Variants in KIF21B observed in about 807,000 individuals in gnomAD.
The protein encoded by KIF21B is kinesin-like protein KIF21B.
In KIF21B, 85 loss-of-function variants were observed where a neutral mutation model predicts 192.9. The ratio of observed to expected loss-of-function variants is 0.44; its 90% CI spans 0.37 to 0.53. The LOEUF (loss-of-function observed/expected upper bound fraction) is 0.53. Among genes scored for constraint, KIF21B ranks in the 20% least tolerant of loss-of-function variants. KIF21B has a pLI of 0.00. For synonymous variants in KIF21B, 832 were observed against 884.6 expected (o/e 0.94, Z 1.05); for missense variants, 1,716 against 2,194.8 (o/e 0.78, Z 4.36).
At chr1:200,993,652 AG>A (rs988474791) in intron 15 of KIF21B, among the ~76,000 whole-genome samples, 1 of 151,624 alleles carries the variant, frequency 6.6e-6, no homozygotes, top group East Asian at 1.9e-4. Context: ...CAGGAGGCTG[AG>A]GTAGGAGGAT....
intron 3 of KIF21B, among the ~76,000 whole-genome samples, chr1:201,007,619 CACAG>C (rs1657974383): frequency 2.0e-5 from 3 of 150,760 alleles, no homozygotes; most frequent in African/African-American, 7.3e-5. Flanking sequence ...GATACACACA[CACAG>C]ACACAGACAG....
intron 31 of KIF21B, 102 bp downstream of exon 31, chr1:200,977,110 G>T: frequency 1.5e-6 from 2 of 1,374,008 alleles, no homozygotes; most frequent in Non-Finnish European, 1.0e-6. Flanking sequence ...TAAAGGTGTT[G>T]CTGAGGTCCT....
At position 200,973,332 on chromosome 1, in the gene KIF21B, T is replaced by G. The variant is rs1655320845; in HGVS notation, c.*189A>C. 3 of 611,414 alleles carry G rather than the reference T, an allele frequency of 4.9e-6. No individual in the cohort carries two copies. Among genetic ancestry groups the G allele is most frequent in the African/African-American group, 1.9e-5 (1 of 51,468 alleles). 37.9% of individuals were successfully genotyped at this position (611,414 alleles called of 1,614,324 possible). A position where few individuals can be genotyped will look rare whatever the true frequency, so the allele number is the denominator to read the frequency against. ...AGCCTCTCTCTCACCCAGAGGCTCC[T>G]GAGAGGCAGGGGAGGGATGAGGGAA... On this transcript the variant is annotated 3_prime_UTR_variant, in exon 35 of 35. Coordinates refer to ENST00000461742, the MANE Select transcript of KIF21B (RefSeq NM_001252102.2).
rs1284276554 is a variant in KIF21B, at chr1:200,970,403, C to T, written c.*3118G>A. 2.0e-5 allele frequency: 3 copies of T among 152,730 alleles called. No individual in the cohort carries two copies. The highest frequency in any genetic ancestry group is 7.2e-5 in the African/African-American group (3 of 41,482). The allele number at this position is 152,730 out of a possible 1,614,324, so 9.5% of individuals were successfully genotyped here. A position where few individuals can be genotyped will look rare whatever the true frequency, so the allele number is the denominator to read the frequency against. ...TCCCAGACCCACCGCTGTCCCTTCC[C>T]AAGGGGCTGAAGGTGGCACTCTGAC... is the stretch of plus-strand genomic sequence containing the variant. On this transcript the variant is annotated 3_prime_UTR_variant, in exon 35 of 35. Transcript: ENST00000461742.
At chr1:201,001,216 C>T (rs907880129) in intron 9 of KIF21B, among the ~76,000 whole-genome samples, 9 of 151,796 alleles carry the variant, frequency 5.9e-5, no homozygotes, top group Non-Finnish European at 1.2e-4. Flanking sequence ...GGGCCTTTTC[C>T]AAAAAGAAAT....
chr1:200,983,525 G>A (rs1446943617), intron 27 of KIF21B, among the ~76,000 whole-genome samples: 1 of 152,158 alleles, frequency 6.6e-6, no homozygotes, highest in Non-Finnish European at 1.5e-5. Flanking sequence ...CCCTCCCTGG[G>A]AGCTGGCTTC....
rs766135570 is a variant in KIF21B at position 200,990,144 on chromosome 1, C to T, written c.3024G>A (p.Glu1008=). The change falls in exon 20 of 35, where the codon GAG becomes GAA. Residue 1008 remains glutamate (E), a synonymous_variant. Transcript: ENST00000461742. The surrounding 1 kb of genome is among the most constrained non-coding windows in gnomAD (Gnocchi z 5.4). ...GGCCCAGCCCTGCGGATACCTTGGT[C>T]TCCTCCAGCTGCACGATGGTGGCCT... The part of the protein sequence containing the change: ...DCQATIVQLE[E]TKEELDSTDT... The T allele has an allele frequency of 2.5e-6, 4 of 1,612,986 alleles. No homozygotes were observed. Among genetic ancestry groups the T allele is most frequent in the African/African-American group, 2.7e-5 (2 of 74,932 alleles).
At position 200,975,703 on chromosome 1, in the gene KIF21B, G is replaced by A; in HGVS notation, c.4444-34C>T. The A allele has an allele frequency of 6.3e-7, 1 of 1,578,466 alleles. No individual in the cohort carries two copies. Among genetic ancestry groups the A allele is most frequent in the Non-Finnish European group, 8.6e-7 (1 of 1,159,686 alleles). ...GGAGGGGCCAGTAGGGAGAGGCCAA[G>A]TGGGAGGATGGAAGGCAGGGCCTAC... On this transcript the variant is annotated intron_variant, in intron 32 of 34. Coordinates refer to ENST00000461742, the MANE Select transcript of KIF21B (RefSeq NM_001252102.2). The surrounding 1 kb of genome is among the most constrained non-coding windows in gnomAD (Gnocchi z 4.3).
At position 200,973,497 on chromosome 1, in the gene KIF21B, G is replaced by A. The variant is rs559505489; in HGVS notation, c.*24C>T. 7.0e-6 allele frequency: 10 copies of A among 1,436,052 alleles called. No homozygotes were observed. Among genetic ancestry groups the A allele is most frequent in the South Asian group, 1.5e-5 (1 of 68,486 alleles). 89.0% of individuals were successfully genotyped at this position (1,436,052 alleles called of 1,614,324 possible). A position where few individuals can be genotyped will look rare whatever the true frequency, so the allele number is the denominator to read the frequency against. On this transcript the variant is annotated 3_prime_UTR_variant, in exon 35 of 35. Transcript: ENST00000461742. ...TCCAGGCTGCTGGGGTCGAGGGTCC[G>A]GGGGCATCCCTCTGACCTCACTCCT...
At chr1:200,977,486 A>G in intron 30 of KIF21B, 110 bp from the exon 31 acceptor site, 1 of 1,337,992 alleles carries the variant, frequency 7.5e-7, no homozygotes, top group Non-Finnish European at 1.0e-6. Flanking sequence ...TTCTTCCAGG[A>G]AGTCTTCCTT....
Position 200,988,774 on chromosome 1 carries a change from A to T in KIF21B, c.3290T>A (p.Val1097Glu). 6.2e-7 allele frequency: 1 copy of T among 1,613,000 alleles called. No homozygotes were observed. The highest frequency in any genetic ancestry group is 8.5e-7 in the Non-Finnish European group (1 of 1,179,366). The change falls in exon 22 of 35, where the codon GTG becomes GAG. Residue 1097 changes from valine (V) to glutamate (E), a missense_variant. This residue lies in a region of KIF21B where 580 missense variants were observed against 775.5 expected (regional missense o/e 0.75). Transcript: ENST00000461742. ...HPELQALIYN[V>E]QQENGYASTD... ...ACCGCCCCTACCCGTACCCTGCTGC[A>T]CATTGTAGATGAGGGCCTGCAGCTC... is the stretch of plus-strand genomic sequence containing the variant.
chr1:200,995,556 G>A (rs1006205272), intron 15 of KIF21B, among the ~76,000 whole-genome samples: 43 of 152,236 alleles, frequency 2.8e-4, no homozygotes, highest in Non-Finnish European at 4.3e-4. Context: ...TCTGAGTGGT[G>A]GCAAAGTAGA....
chr1:200,974,295 G>T, intron 34 of KIF21B: 4 of 1,368,246 alleles, frequency 2.9e-6, no homozygotes, highest in Non-Finnish European at 3.9e-6. Context: ...AAAGCCATCT[G>T]AGTCGCACCC....
intron 24 of KIF21B, among the ~76,000 whole-genome samples, chr1:200,988,062 C>T (rs1428978096): frequency 2.6e-5 from 4 of 152,302 alleles, no homozygotes; most frequent in South Asian, 4.1e-4. Context: ...CAGAGGCTAG[C>T]GGTGGCTCCA....
At position 200,988,710 on chromosome 1, in the gene KIF21B, C is replaced by T. The variant is rs367730458; in HGVS notation, c.3298+56G>A. On this transcript the variant is annotated intron_variant, in intron 22 of 34. Transcript: ENST00000461742. ...AGTGAGGGCCTTGTGGGGGTCTGAG[C>T]CCAAGAGCACTGGAATGCCAAGGAG... 243 of 1,566,556 alleles carry T rather than the reference C, an allele frequency of 1.6e-4. 1 individual carries two copies. The African/African-American group carries it at 2.8e-3, about 18-fold the overall frequency.
At chr1:201,005,285 TG>T in intron 5 of KIF21B, 22 bp downstream of exon 5, 2 of 1,556,510 alleles carry the variant, frequency 1.3e-6, no homozygotes. Context: ...AGCTGGCTCC[TG>T]GGCCCCCTGC....
Position 200,992,336 on chromosome 1 carries a change from C to T in KIF21B, c.2331G>A (p.Glu777=). 4 of 1,613,196 alleles carry T rather than the reference C, an allele frequency of 2.5e-6. No individual in the cohort carries two copies. The highest frequency in any genetic ancestry group is 3.4e-6 in the Non-Finnish European group (4 of 1,180,038). ...GTGCGATCTCCCGGTTCCTCTTGGT[C>T]TCCACTAGCCGCCGCCGCTGTTGCT... ...REEQQRRRLV[E]TKRNREIAQL... Residue 777 remains glutamate (E), a synonymous_variant, in exon 16 of 35, where the codon GAG becomes GAA. Transcript: ENST00000461742.
Position 200,975,748 on chromosome 1 carries a change from C to G in KIF21B, c.4444-79G>C. 8.5e-6 allele frequency: 12 copies of G among 1,404,166 alleles called. No individual in the cohort carries two copies. Among genetic ancestry groups the G allele is most frequent in the Non-Finnish European group, 1.1e-5 (11 of 1,047,438 alleles). The allele number at this position is 1,404,166 out of a possible 1,614,324, so 87.0% of individuals were successfully genotyped here. A position where few individuals can be genotyped will look rare whatever the true frequency, so the allele number is the denominator to read the frequency against. ...GCCTACAGCACTGTGGACCCAGAGG[C>G]CTGAAGACCCAGGAGTCTGGCTAGG... On this transcript the variant is annotated intron_variant, in intron 32 of 34. Transcript: ENST00000461742. This position sits in a 1 kb window ranked among gnomAD's most constrained non-coding sequence, Gnocchi z 4.3.
At position 200,971,232 on chromosome 1, in the gene KIF21B, C is replaced by T. The variant is rs928107442; in HGVS notation, c.*2289G>A. On this transcript the variant is annotated 3_prime_UTR_variant, in exon 35 of 35. Transcript: ENST00000461742. ...CGGGGTGTCTCATGGATGTTGGGCT[C>T]AGGGCTCCTGAAGGACTTCAAGTTT... 1 of 152,778 alleles carries T rather than the reference C, an allele frequency of 6.5e-6. No individual in the cohort carries two copies. The highest frequency in any genetic ancestry group is 2.4e-5 in the African/African-American group (1 of 41,468). The allele number at this position is 152,778 out of a possible 1,614,324, so 9.5% of individuals were successfully genotyped here.
Sources: allele counts gnomAD v4.1 joint callset (sites outside exome capture counted in the v4.1 genomes callset), GRCh38; gene constraint gnomAD v4.1.1; regional missense constraint gnomAD v4.1.1; non-coding constraint Gnocchi (gnomAD v3.1); transcripts MANE v1.5; gene names NCBI Gene and HGNC (gene_info 2026-07-23, HGNC 2026-07-21).